The following N4BP1 variants were observed in gnomAD, a reference collection of about 807,000 sequenced individuals.
The protein encoded by N4BP1 is NEDD4-binding protein 1.
In N4BP1, 21 loss-of-function variants were observed where a neutral mutation model predicts 70.9. The ratio of observed to expected loss-of-function variants is 0.30; its 90% CI spans 0.21 to 0.43. The LOEUF (loss-of-function observed/expected upper bound fraction) is 0.43. Among genes scored for constraint, N4BP1 ranks in the 20% least tolerant of loss-of-function variants. The probability of loss-of-function intolerance (pLI) is 1.00; values close to 1 mark genes in which losing one functional copy is unlikely to be tolerated. For missense variants in N4BP1, 936 were observed against 1,069.4 expected, an observed-to-expected ratio of 0.88 and a Z score of 1.74; for synonymous variants, 387 against 394.6, an observed-to-expected ratio of 0.98 and a Z score of 0.23.
intron 1 of N4BP1, among the ~76,000 whole-genome samples, chr16:48,603,267 C>T (rs2354580): frequency 0.6 from 91,399 of 151,910 alleles, 29,922 homozygotes; most frequent in East Asian, 0.87. Context: ...TTCATGGGTG[C>T]ACTGTAACGT....
intron 1 of N4BP1, chr16:48,600,412 A>T: frequency 3.0e-6 from 2 of 677,366 alleles, no homozygotes; most frequent in Admixed American, 3.7e-5. Context: ...TACCAGTGAG[A>T]GCTATGGAAT....
intron 3 of N4BP1, 104 bp downstream of exon 3, chr16:48,553,435 C>T (rs1963704628): frequency 5.1e-6 from 6 of 1,165,810 alleles, no homozygotes; most frequent in East Asian, 5.7e-5. Context: ...TTTTTAAAGC[C>T]GCTGCCTATG....
Position 48,609,800 on chromosome 16 carries a change from G to A in N4BP1, c.173C>T (p.Ala58Val), listed in dbSNP as rs1354360886. 6.8e-7 allele frequency: 1 copy of A among 1,466,646 alleles called. No individual in the cohort carries two copies. The highest frequency in any genetic ancestry group is 9.0e-7 in the Non-Finnish European group (1 of 1,112,882). The allele number at this position is 1,466,646 out of a possible 1,614,324, so 90.9% of individuals were successfully genotyped here. ...CTTGGCGCTGTGCACCGCCTCCTGCGCCCCGCAGAGCTGCAGCCAGATGCG... is the reference window on the plus strand; with the variant it reads ...CTTGGCGCTGTGCACCGCCTCCTGCACCCCGCAGAGCTGCAGCCAGATGCG... Reference protein sequence around the residue: ...PARIWLQLCGAQEAVHSAKEY... With the variant: ...PARIWLQLCGVQEAVHSAKEY... Residue 58 changes from alanine to valine, a missense_variant, in exon 1 of 7, where the codon GCG (alanine) becomes GTG (valine). Ala to Val is a moderately conservative substitution (Grantham distance 64). Transcript: ENST00000262384.
intron 1 of N4BP1, among the ~76,000 whole-genome samples, chr16:48,605,877 G>A (rs748419610): frequency 1.3e-5 from 2 of 152,140 alleles, no homozygotes; most frequent in Non-Finnish European, 1.5e-5. Flanking sequence ...AGGAATCTGT[G>A]ATGCAACTGC....
chr16:48,594,803 T>A (rs952427969), intron 1 of N4BP1, among the ~76,000 whole-genome samples: 2 of 152,248 alleles, frequency 1.3e-5, no homozygotes, highest in Non-Finnish European at 2.9e-5. Context: ...CACTATATGT[T>A]ATCAATAATA....
rs191577035 is a variant in N4BP1 at position 48,553,724 on chromosome 16, G to A, written c.1890-55C>T. On this transcript the variant is annotated intron_variant, in intron 2 of 6. Coordinates refer to ENST00000262384, the MANE Select transcript of N4BP1 (RefSeq NM_153029.4). ...AAAGTTTATTTCTGTTTAAAGCACA[G>A]TAAGTTTCACCATGAAAAGTTAACA... The A allele has an allele frequency of 3.6e-6, 5 of 1,376,982 alleles. No homozygotes were observed. In the Admixed American group the frequency reaches 1.1e-4, roughly 31 times the overall value. The allele number at this position is 1,376,982 out of a possible 1,614,324, so 85.3% of individuals were successfully genotyped here. A position where few individuals can be genotyped will look rare whatever the true frequency, so the allele number is the denominator to read the frequency against.
chr16:48,564,513 C>T (rs552265332), intron 1 of N4BP1, among the ~76,000 whole-genome samples: 3 of 152,184 alleles, frequency 2.0e-5, no homozygotes, highest in Non-Finnish European at 4.4e-5. Flanking sequence ...TATTCTGTTC[C>T]AATCTGTGTA....
chr16:48,561,479 ATTTTCT>A lies in N4BP1; in HGVS notation c.1158_1163del (p.Lys386_Glu387del), dbSNP rs1311025291. 1.9e-6 allele frequency: 3 copies of A among 1,611,170 alleles called. No individual in the cohort carries two copies. The highest frequency in any genetic ancestry group is 2.5e-6 in the Non-Finnish European group (3 of 1,179,288). On this transcript the variant is annotated inframe_deletion, in exon 2 of 7. Transcript: ENST00000262384. ...ATTCTCTGTCTTCTTGGAATCTTTT[ATTTTCT>A]TTTTCAATTTCCTCTAAGAGCAATA...
chr16:48,563,338 G>C (rs1567432672), intron 1 of N4BP1, among the ~76,000 whole-genome samples: 1 of 151,774 alleles, frequency 6.6e-6, no homozygotes, highest in Non-Finnish European at 1.5e-5. Flanking sequence ...CTGGGCCAAA[G>C]AGCGGGACCC....
intron 4 of N4BP1, 129 bp from the exon 5 acceptor site, chr16:48,548,243 G>C (rs912623269): frequency 3.2e-6 from 2 of 632,196 alleles, no homozygotes; most frequent in Non-Finnish European, 5.7e-6. Flanking sequence ...CTAGGCCACA[G>C]AAAAGTTTAG....
chr16:48,547,950 G>A (rs1963612357), intron 5 of N4BP1, 57 bp downstream of exon 5: 1 of 1,169,628 alleles, frequency 8.5e-7, no homozygotes, highest in Non-Finnish European at 1.3e-6. Flanking sequence ...AATGCACACA[G>A]AAACAAACAA....
chr16:48,596,255 A>C (rs1007150058), intron 1 of N4BP1, among the ~76,000 whole-genome samples: 3 of 152,196 alleles, frequency 2.0e-5, no homozygotes, highest in Non-Finnish European at 4.4e-5. Context: ...GCCCCAAATT[A>C]ATGCTTAACT....
intron 4 of N4BP1, among the ~76,000 whole-genome samples, chr16:48,550,112 G>A (rs181334132): frequency 1.7e-4 from 26 of 152,248 alleles, no homozygotes; most frequent in Admixed American, 4.6e-4. Flanking sequence ...TTATGCACAC[G>A]TCTTCTCAAA....
In N4BP1 at chr16:48,561,301, T is replaced by C. The variant is rs745593084; in HGVS notation, c.1342A>G (p.Lys448Glu). ...MVEKFSQLPF[K>E]VEAKPCTSNC... ...GAGGTACATGGTTTAGCTTCCACTT[T>C]GAATGGTAACTGAGAAAATTTTTCT... Residue 448 changes from lysine to glutamate, a missense_variant, in exon 2 of 7, where the codon AAA (lysine) becomes GAA (glutamate). Lys to Glu is a moderately conservative substitution (Grantham distance 56, BLOSUM62 1). Around this residue, in one of 4 missense-constraint regions of N4BP1, gnomAD observed 515 missense variants for 491.7 expected, o/e 1.05. Transcript: ENST00000262384. 12 of 1,613,736 alleles carry C rather than the reference T, an allele frequency of 7.4e-6. No homozygotes were observed. Among genetic ancestry groups the C allele is most frequent in the African/African-American group, 1.3e-5 (1 of 74,942 alleles).
Position 48,561,406 on chromosome 16 carries a change from C to G in N4BP1, c.1237G>C (p.Gly413Arg), listed in dbSNP as rs1963854116. Residue 413 changes from glycine to arginine, a missense_variant, in exon 2 of 7, where the codon GGT becomes CGT. Around this residue, in one of 4 missense-constraint regions of N4BP1, gnomAD observed 515 missense variants for 491.7 expected, o/e 1.05. Coordinates refer to ENST00000262384, the MANE Select transcript of N4BP1 (RefSeq NM_153029.4). The part of the protein sequence containing the change: ...YPETNKTKNK[G>R]VYSSTNELTT... The stretch of plus-strand genomic sequence containing the variant: ...AGCTCATTTGTGCTGCTATAAACAC[C>G]TTTATTTTTGGTTTTGTTGGTCTCT... 9 of 1,613,694 alleles carry G rather than the reference C, an allele frequency of 5.6e-6. No homozygotes were observed. The highest frequency in any genetic ancestry group is 7.6e-6 in the Non-Finnish European group (9 of 1,179,854).
At chr16:48,557,611 G>A (rs928139066) in intron 2 of N4BP1, among the ~76,000 whole-genome samples, 4 of 152,016 alleles carry the variant, frequency 2.6e-5, no homozygotes, top group Non-Finnish European at 5.9e-5. Flanking sequence ...CACTGGAATA[G>A]TAACCATGAA....
chr16:48,553,405 G>T, intron 3 of N4BP1, 134 bp downstream of exon 3: 1 of 763,342 alleles, frequency 1.3e-6, no homozygotes, highest in Non-Finnish European at 1.9e-6. Flanking sequence ...TTTGCTAGGT[G>T]CAGTAGATTT....
chr16:48,572,166 C>T (rs7184144), intron 1 of N4BP1, among the ~76,000 whole-genome samples: 61,608 of 151,674 alleles, frequency 0.41, 13,483 homozygotes, highest in African/African-American at 0.57. Context: ...ACCACTGCAC[C>T]CCAGCCAAGG....
chr16:48,585,228 C>T (rs758974743), intron 1 of N4BP1, among the ~76,000 whole-genome samples: 11 of 152,018 alleles, frequency 7.2e-5, no homozygotes, highest in Non-Finnish European at 1.3e-4. Flanking sequence ...TCACGTCACT[C>T]GGCCTACACA....
Sources: gnomAD v4.1 joint callset for allele counts (sites outside exome capture counted in the v4.1 genomes callset) on GRCh38, gnomAD v4.1.1 for gene constraint, gnomAD v4.1.1 regional missense constraint, MANE v1.5 for transcripts, NCBI Gene and HGNC (gene_info 2026-07-23, HGNC 2026-07-21) for gene names.